The following ATF7IP variants were observed in gnomAD, a reference collection of about 807,000 sequenced individuals.
ATF7IP encodes the protein activating transcription factor 7 interacting protein, also known as activating transcription factor 7-interacting protein 1.
A neutral mutation model predicts 106.4 loss-of-function variants in ATF7IP; 23 were observed. That is an observed-to-expected ratio of 0.22 (90% CI 0.16 to 0.31). ATF7IP has a LOEUF of 0.31. ATF7IP is among the 10% of genes least tolerant of loss of function. The pLI, the probability that ATF7IP is intolerant of heterozygous loss-of-function variation, is 1.00. For missense variants in ATF7IP, 1,334 were observed against 1,524.3 expected, an observed-to-expected ratio of 0.88 and a Z score of 2.08; for synonymous variants, 542 against 539.0, an observed-to-expected ratio of 1.01 and a Z score of -0.08.
At chr12:14,472,073 A>T (rs1185450791) in intron 10 of ATF7IP, among the ~76,000 whole-genome samples, 3 of 152,180 alleles carry the variant, frequency 2.0e-5, no homozygotes, top group Non-Finnish European at 4.4e-5. Flanking sequence ...TTTTAAAGCC[A>T]AAGTGTATAT....
chr12:14,443,607 G>A (rs1019513056), intron 5 of ATF7IP, among the ~76,000 whole-genome samples: 2 of 152,260 alleles, frequency 1.3e-5, no homozygotes, highest in Admixed American at 1.3e-4. Context: ...TCAGAAACCT[G>A]TTGTAAATAT....
chr12:14,386,000 A>T (rs1004314065), intron 1 of ATF7IP, among the ~76,000 whole-genome samples: 1 of 152,050 alleles, frequency 6.6e-6, no homozygotes, highest in South Asian at 2.1e-4. Context: ...TCTTTGTTCA[A>T]ATTACTTTTT....
In ATF7IP at chr12:14,501,112, G is replaced by A. The variant is rs1177498150; in HGVS notation, c.*3039G>A. On this transcript the variant is annotated 3_prime_UTR_variant, in exon 15 of 15. Coordinates refer to ENST00000261168, the MANE Select transcript of ATF7IP (RefSeq NM_018179.5). Reference sequence around the variant, plus strand: ...GCTTTTTGTTTGGTTTGTTTCTTCTGGGAGAGAATGGAGGACTTAAGTAGA... The same window carrying A: ...GCTTTTTGTTTGGTTTGTTTCTTCTAGGAGAGAATGGAGGACTTAAGTAGA... 6.6e-6 allele frequency: 1 copy of A among 152,132 alleles called. No homozygotes were observed. Among genetic ancestry groups the A allele is most frequent in the Non-Finnish European group, 1.5e-5 (1 of 68,006 alleles). 9.4% of individuals were successfully genotyped at this position (152,132 alleles called of 1,614,324 possible). A position where few individuals can be genotyped will look rare whatever the true frequency, so the allele number is the denominator to read the frequency against.
chr12:14,497,204 ATAACT>A (rs1365335813), intron 14 of ATF7IP, among the ~76,000 whole-genome samples: 1 of 152,350 alleles, frequency 6.6e-6, no homozygotes, highest in Non-Finnish European at 1.5e-5. Context: ...TTATTTATAA[ATAACT>A]TAAAAATGAA....
intron 1 of ATF7IP, among the ~76,000 whole-genome samples, chr12:14,397,103 A>G (rs955015002): frequency 6.6e-6 from 1 of 152,232 alleles, no homozygotes; most frequent in African/African-American, 2.4e-5. Flanking sequence ...CGGAGGTTGC[A>G]GTAAGCCAAG....
rs528633265 is a variant in ATF7IP at position 14,499,561 on chromosome 12, T to C, written c.*1488T>C. 2.6e-5 allele frequency: 4 copies of C among 152,244 alleles called. No individual in the cohort carries two copies. Among genetic ancestry groups the C allele is most frequent in the Non-Finnish European group, 5.9e-5 (4 of 68,038 alleles). 9.4% of individuals were successfully genotyped at this position (152,244 alleles called of 1,614,324 possible). ...TCAAGGGGAAAGCTTCATTTCCTCT[T>C]TATTCTCTTTATCGTCCTTCCCATT... On this transcript the variant is annotated 3_prime_UTR_variant, in exon 15 of 15. Transcript: ENST00000261168.
intron 5 of ATF7IP, among the ~76,000 whole-genome samples, chr12:14,445,542 G>A (rs549004118): frequency 3.1e-4 from 47 of 152,216 alleles, no homozygotes; most frequent in Non-Finnish European, 5.7e-4. Flanking sequence ...CATCAGAAAG[G>A]TAAATCCATG....
At chr12:14,440,561 CAT>C (rs1429509109) in intron 5 of ATF7IP, among the ~76,000 whole-genome samples, 1 of 152,194 alleles carries the variant, frequency 6.6e-6, no homozygotes, top group Non-Finnish European at 1.5e-5. Flanking sequence ...CACCCATGAT[CAT>C]GTGCCCAATT....
intron 10 of ATF7IP, among the ~76,000 whole-genome samples, chr12:14,469,362 C>CAA (rs35509274): frequency 4.5e-5 from 4 of 88,414 alleles, no homozygotes; most frequent in African/African-American, 8.9e-5. Context: ...GAGACTGTCT[C>CAA]AAAAAAAAAA....
intron 13 of ATF7IP, chr12:14,482,198 T>C (rs577845801): frequency 6.6e-6 from 1 of 152,366 alleles, no homozygotes; most frequent in Admixed American, 6.5e-5. Context: ...TGTTCCTACT[T>C]TTCTATTAGT....
At chr12:14,417,231 C>T (rs1343404273) in intron 1 of ATF7IP, among the ~76,000 whole-genome samples, 2 of 152,062 alleles carry the variant, frequency 1.3e-5, no homozygotes, top group African/African-American at 2.4e-5. Flanking sequence ...TTGTAACTTG[C>T]TGCGAAAGGC....
intron 8 of ATF7IP, among the ~76,000 whole-genome samples, chr12:14,458,503 A>G (rs1180122127): frequency 2.6e-5 from 4 of 152,222 alleles, no homozygotes; most frequent in Non-Finnish European, 5.9e-5. Context: ...ACCACACCAA[A>G]GAACTTTTCT....
At chr12:14,429,456 T>C (rs969465077) in intron 2 of ATF7IP, among the ~76,000 whole-genome samples, 1 of 152,066 alleles carries the variant, frequency 6.6e-6, no homozygotes, top group African/African-American at 2.4e-5. Flanking sequence ...TGTTTTAGAG[T>C]GAACTAGATT....
chr12:14,490,871 G>A (rs1456261536), intron 13 of ATF7IP, among the ~76,000 whole-genome samples: 1 of 152,088 alleles, frequency 6.6e-6, no homozygotes, highest in Non-Finnish European at 1.5e-5. Flanking sequence ...TGGCTAAGTG[G>A]GTCAGAAAGC....
chr12:14,439,558 T>C (rs1278550030), intron 5 of ATF7IP, among the ~76,000 whole-genome samples: 1 of 152,188 alleles, frequency 6.6e-6, no homozygotes, highest in Non-Finnish European at 1.5e-5. Context: ...TGGCTGGGCA[T>C]AGTGGCTCAC....
chr12:14,410,551 A>C (rs1461499518), intron 1 of ATF7IP, among the ~76,000 whole-genome samples: 1 of 152,194 alleles, frequency 6.6e-6, no homozygotes, highest in African/African-American at 2.4e-5. Context: ...GAGAAGCTGT[A>C]AAGTGCTTCC....
chr12:14,429,289 C>G (rs1942012814), intron 2 of ATF7IP, among the ~76,000 whole-genome samples: 1 of 152,254 alleles, frequency 6.6e-6, no homozygotes, highest in South Asian at 2.1e-4. Context: ...AATAACAGTT[C>G]TTCCCTCTTG....
intron 1 of ATF7IP, among the ~76,000 whole-genome samples, chr12:14,410,304 G>A (rs2136496021): frequency 6.6e-6 from 1 of 152,270 alleles, no homozygotes; most frequent in South Asian, 2.1e-4. Context: ...TCTAAGTAGT[G>A]TGATGAAATC....
At chr12:14,400,911 A>T (rs1384788111) in intron 1 of ATF7IP, among the ~76,000 whole-genome samples, 1 of 151,926 alleles carries the variant, frequency 6.6e-6, no homozygotes, top group Non-Finnish European at 1.5e-5. Flanking sequence ...TTTCTTGTAT[A>T]TGTTGTTTTA....
Sources: allele counts gnomAD v4.1 joint callset (sites outside exome capture counted in the v4.1 genomes callset), GRCh38; gene constraint gnomAD v4.1.1; transcripts MANE v1.5; gene names NCBI Gene and HGNC (gene_info 2026-07-23, HGNC 2026-07-21).